The following DDX60 variants were observed in gnomAD, a reference collection of about 807,000 sequenced individuals.
DDX60 encodes the protein probable ATP-dependent RNA helicase DDX60.
Under a neutral mutation model 212.8 loss-of-function variants are expected in DDX60, and 165 were observed. That is an observed-to-expected ratio of 0.78 (90% CI 0.68 to 0.88). The LOEUF (loss-of-function observed/expected upper bound fraction) is 0.88. DDX60 is among the 40% of genes least tolerant of loss of function. The pLI is 0.00. For synonymous variants in DDX60, 703 were observed against 685.3 expected (o/e 1.03, Z -0.40); for missense variants, 1,905 against 2,003.9 (o/e 0.95, Z 0.94).
chr4:168,255,870 CTGGAAATAAA>C lies in DDX60; in HGVS notation c.3399-11_3399-2del. ...GTTTTCTACAGCTCCTAACTTGAATCTGGAAATAAAAAGAATGTGCGCCTTGAAAATAACA... is the reference window on the plus strand; with the variant it reads ...GTTTTCTACAGCTCCTAACTTGAATCAAGAATGTGCGCCTTGAAAATAACA... On this transcript the variant is annotated splice_acceptor_variant and splice_polypyrimidine_tract_variant and intron_variant, in intron 25 of 37. Transcript: ENST00000393743. LOFTEE classifies it high-confidence loss of function. 6.4e-7 allele frequency: 1 copy of C among 1,570,888 alleles called. No individual in the cohort carries two copies.
intron 6 of DDX60, among the ~76,000 whole-genome samples, chr4:168,297,310 GA>G (rs1736404469): frequency 5.1e-5 from 1 of 19,590 alleles, no homozygotes; most frequent in Non-Finnish European, 8.2e-5. Flanking sequence ...AAGAAAGAAA[GA>G]AAGAAAGAAA....
chr4:168,285,920 GAA>G (rs1735815237), intron 10 of DDX60, among the ~76,000 whole-genome samples: 4 of 136,094 alleles, frequency 2.9e-5, no homozygotes, highest in Non-Finnish European at 6.3e-5. Flanking sequence ...AGGAAGGAAG[GAA>G]GGAAGGAAGG....
intron 33 of DDX60, among the ~76,000 whole-genome samples, chr4:168,227,216 T>C (rs1397011154): frequency 6.6e-6 from 1 of 151,664 alleles, no homozygotes; most frequent in East Asian, 1.9e-4. Context: ...GAATGTTTTT[T>C]TTTTTTTAAA....
intron 29 of DDX60, among the ~76,000 whole-genome samples, chr4:168,247,801 T>C (rs1172648935): frequency 6.6e-6 from 1 of 152,232 alleles, no homozygotes; most frequent in Non-Finnish European, 1.5e-5. Context: ...GCATTAAAGA[T>C]AATTCTAGAG....
the DDX60 span, among the ~76,000 whole-genome samples, chr4:168,324,173 T>C: frequency 2.0e-5 from 3 of 152,124 alleles, no homozygotes; most frequent in African/African-American, 7.2e-5. Flanking sequence ...AGCCAGGCCG[T>C]GGAGTGTTGC....
chr4:168,252,968 C>A (rs1734273921), intron 26 of DDX60, among the ~76,000 whole-genome samples: 1 of 152,074 alleles, frequency 6.6e-6, no homozygotes, highest in Non-Finnish European at 1.5e-5. Context: ...CCGCACCTGG[C>A]TAAATTTTGT....
Position 168,220,731 on chromosome 4 carries a change from C to T in DDX60, c.4977-14G>A. ...CCTTCATTCATCCTAAAGAAAACAA[C>T]ATTTTGAAAATTAATAATACAAAAC... On this transcript the variant is annotated splice_polypyrimidine_tract_variant and intron_variant, in intron 36 of 37. Transcript: ENST00000393743. 1 of 1,347,496 alleles carries T rather than the reference C, an allele frequency of 7.4e-7. No individual in the cohort carries two copies. The highest frequency in any genetic ancestry group is 9.8e-7 in the Non-Finnish European group (1 of 1,018,134). The allele number at this position is 1,347,496 out of a possible 1,614,324, so 83.5% of individuals were successfully genotyped here. A position where few individuals can be genotyped will look rare whatever the true frequency, so the allele number is the denominator to read the frequency against.
intron 30 of DDX60, among the ~76,000 whole-genome samples, 191 bp from the exon 31 acceptor site, chr4:168,237,986 G>A (rs1292010315): frequency 6.6e-6 from 1 of 151,946 alleles, no homozygotes; most frequent in Non-Finnish European, 1.5e-5. Flanking sequence ...CACATAAACT[G>A]AATTGTCAGA....
intron 25 of DDX60, among the ~76,000 whole-genome samples, chr4:168,256,553 T>C (rs1284969276): frequency 6.6e-6 from 1 of 152,350 alleles, no homozygotes; most frequent in African/African-American, 2.4e-5. Context: ...TAGACATTTA[T>C]AGACAAATGG....
chr4:168,285,395 C>A lies in DDX60; in HGVS notation c.1443G>T (p.Lys481Asn). 6.2e-7 allele frequency: 1 copy of A among 1,604,346 alleles called. No individual in the cohort carries two copies. The highest frequency in any genetic ancestry group is 8.5e-7 in the Non-Finnish European group (1 of 1,174,074). The change falls in exon 11 of 38, where the codon AAG (lysine) becomes AAT (asparagine). Residue 481 changes from lysine (K) to asparagine (N), a missense_variant and splice_region_variant. Physicochemically the swap from Lys to Asn is moderately conservative, Grantham distance 94. Coordinates refer to ENST00000393743, the MANE Select transcript of DDX60 (RefSeq NM_017631.6). ...GDILKDLPFL[K>N]SDDPIVTSLV... ...AGGCACAGTTTTTGGCCTTATACCT[C>A]TTTAGAAAAGGCAAATCTTTCAAAA... is the stretch of plus-strand genomic sequence containing the variant.
At chr4:168,227,821 T>C (rs947762401) in intron 33 of DDX60, among the ~76,000 whole-genome samples, 4 of 152,236 alleles carry the variant, frequency 2.6e-5, no homozygotes, top group Non-Finnish European at 2.9e-5. Flanking sequence ...TTATCCTTTG[T>C]GTATTTATAA....
chr4:168,238,125 G>A (rs182252970), intron 30 of DDX60, among the ~76,000 whole-genome samples: 1 of 148,548 alleles, frequency 6.7e-6, no homozygotes, highest in East Asian at 2.0e-4. Flanking sequence ...CAAAAATAAT[G>A]TAACTAGGTT....
chr4:168,218,022 A>G (rs1238780283), intron 37 of DDX60, among the ~76,000 whole-genome samples: 1 of 152,154 alleles, frequency 6.6e-6, no homozygotes, highest in African/African-American at 2.4e-5. Flanking sequence ...GAGAGAAGAA[A>G]TCCAAGAATG....
rs543671805 is a variant in DDX60 at position 168,316,456 on chromosome 4, T to C, written c.-107+2166A>G. ...CACAAAGGGATGAATGAAAGAAAAA[T>C]AAATATGAATGCTAAATTCTTCATC... is the stretch of plus-strand genomic sequence containing the variant. On this transcript the variant is annotated intron_variant, in intron 1 of 37. Transcript: ENST00000393743. 2.6e-5 allele frequency among the ~76,000 whole-genome samples: 4 copies of C among 152,096 alleles called. No individual in the cohort carries two copies. In the East Asian group the frequency reaches 7.7e-4, roughly 29 times the overall value.
At chr4:168,294,526 G>T (rs1736255973) in intron 6 of DDX60, among the ~76,000 whole-genome samples, 2 of 151,082 alleles carry the variant, frequency 1.3e-5, no homozygotes. Context: ...TTAGAGACAG[G>T]GTCTCACTCT....
In DDX60 at chr4:168,246,578, C is replaced by T; in HGVS notation, c.4004G>A (p.Gly1335Glu). The change falls in exon 30 of 38, where the codon GGA (glycine) becomes GAA (glutamate). Residue 1335 changes from glycine to glutamate, a missense_variant. Coordinates refer to ENST00000393743, the MANE Select transcript of DDX60 (RefSeq NM_017631.6). Reference sequence around the variant, plus strand: ...TGGAATATCAAAGAAATATACATCTCCCATCAGGTCTTGACCTCTTCTTCC... The same window carrying T: ...TGGAATATCAAAGAAATATACATCTTCCATCAGGTCTTGACCTCTTCTTCC... ...RAGRRGQDLM[G>E]DVYFFDIPFP... The T allele has an allele frequency of 6.2e-7, 1 of 1,614,058 alleles. No individual in the cohort carries two copies. Among genetic ancestry groups the T allele is most frequent in the East Asian group, 2.2e-5 (1 of 44,870 alleles).
chr4:168,284,951 A>G lies in DDX60; in HGVS notation c.1446-16T>C, dbSNP rs747757103. 1.3e-5 allele frequency: 17 copies of G among 1,356,886 alleles called. No individual in the cohort carries two copies. Among genetic ancestry groups the G allele is most frequent in the Non-Finnish European group, 1.7e-5 (17 of 973,044 alleles). 84.1% of individuals were successfully genotyped at this position (1,356,886 alleles called of 1,614,324 possible). ...AGGATCATCACTGTGAGACAAAAAA[A>G]GGCATATTTTAAATTGCACACTTCC... On this transcript the variant is annotated splice_polypyrimidine_tract_variant and intron_variant, in intron 11 of 37. Coordinates refer to ENST00000393743, the MANE Select transcript of DDX60 (RefSeq NM_017631.6).
At chr4:168,277,966 C>T (rs1735423696) in intron 14 of DDX60, among the ~76,000 whole-genome samples, 1 of 152,148 alleles carries the variant, frequency 6.6e-6, no homozygotes, top group Admixed American at 6.5e-5. Flanking sequence ...CCCATGTTCA[C>T]ACTGTAGACA....
Position 168,267,644 on chromosome 4 carries a change from T to A in DDX60, c.2977A>T (p.Ile993Leu). Residue 993 changes from isoleucine to leucine, a missense_variant, in exon 22 of 38, where the codon ATA (isoleucine) becomes TTA (leucine). Ile to Leu is a conservative substitution (Grantham distance 5). Transcript: ENST00000393743. ...YNDLEKHVCS[I>L]KHGDIHFDHF... is the part of the protein sequence containing the mutation. ...TCAAAATGAATGTCACCATGTTTTA[T>A]TGAACATACATGCTTCTCTAGATCA... The A allele has an allele frequency of 6.2e-7, 1 of 1,604,350 alleles. No individual in the cohort carries two copies. The highest frequency in any genetic ancestry group is 1.7e-5 in the Admixed American group (1 of 59,284).
Sources: gnomAD v4.1 joint callset for allele counts (sites outside exome capture counted in the v4.1 genomes callset) on GRCh38, gnomAD v4.1.1 for gene constraint, MANE v1.5 for transcripts, NCBI Gene and HGNC (gene_info 2026-07-23, HGNC 2026-07-21) for gene names.